Variants in FAT4 observed in about 807,000 individuals in gnomAD.
FAT4 encodes the protein FAT atypical cadherin 4.
A neutral mutation model predicts 303.9 loss-of-function variants in FAT4; 84 were observed. The ratio of observed to expected loss-of-function variants is 0.28; its 90% CI spans 0.23 to 0.33. The LOEUF (loss-of-function observed/expected upper bound fraction) is 0.33, where lower values mean the gene tolerates loss of function less well. Among genes scored for constraint, FAT4 ranks in the 10% least tolerant of loss-of-function variants. The pLI, the probability that FAT4 is intolerant of heterozygous loss-of-function variation, is 1.00. For missense variants in FAT4, 6,005 were observed against 6,146.8 expected (o/e 0.98, Z 0.77); for synonymous variants, 2,307 against 2,298.8 (o/e 1.00, Z -0.10).
At chr4:125,445,058 G>A (rs1420601464) in intron 8 of FAT4, among the ~76,000 whole-genome samples, 1 of 152,024 alleles carries the variant, frequency 6.6e-6, no homozygotes, top group East Asian at 1.9e-4. Flanking sequence ...TATAGTTAAT[G>A]CTATTTTCAC....
chr4:125,405,720 T>G (rs1352930295), intron 3 of FAT4, among the ~76,000 whole-genome samples: 1 of 134,462 alleles, frequency 7.4e-6, no homozygotes, highest in Non-Finnish European at 1.7e-5. Flanking sequence ...GCCAGGATGG[T>G]CTCGATCTCC....
chr4:125,334,638 A>G lies in FAT4; in HGVS notation c.5175+13052A>G, dbSNP rs141424646. On this transcript the variant is annotated intron_variant, in intron 2 of 17. Coordinates refer to ENST00000394329, the MANE Select transcript of FAT4 (RefSeq NM_001291303.3). ...GAGATTTGCTTAAAACAAGACATGT[A>G]TTTCATATATTACTTTAATACCAAA... 3.7e-3 allele frequency among the ~76,000 whole-genome samples: 558 copies of G among 152,268 alleles called. 2 individuals are homozygous for G. The highest frequency in any genetic ancestry group is 0.013 in the African/African-American group (530 of 41,556).
At chr4:125,433,807 A>G (rs1725357589) in intron 7 of FAT4, among the ~76,000 whole-genome samples, 1 of 152,160 alleles carries the variant, frequency 6.6e-6, no homozygotes. Flanking sequence ...GATAGTAACA[A>G]TGATAGTCAC....
At chr4:125,438,148 A>C (rs748752256) in intron 8 of FAT4, among the ~76,000 whole-genome samples, 8 of 152,342 alleles carry the variant, frequency 5.3e-5, no homozygotes, top group Non-Finnish European at 1.2e-4. Context: ...GAATATTACC[A>C]ATCAGATATA....
intron 3 of FAT4, among the ~76,000 whole-genome samples, chr4:125,404,340 C>T (rs1734504667): frequency 6.6e-6 from 1 of 152,074 alleles, no homozygotes; most frequent in Non-Finnish European, 1.5e-5. Flanking sequence ...AGATTGCTTC[C>T]AATTAAAACA....
At chr4:125,364,895 A>G (rs553283364) in intron 2 of FAT4, among the ~76,000 whole-genome samples, 3 of 152,292 alleles carry the variant, frequency 2.0e-5, no homozygotes, top group Non-Finnish European at 4.4e-5. Context: ...GTGTTTCATA[A>G]AAAGCTTTCT....
chr4:125,462,929 A>T (rs1431473648), intron 10 of FAT4, among the ~76,000 whole-genome samples: 1 of 152,058 alleles, frequency 6.6e-6, no homozygotes, highest in Non-Finnish European at 1.5e-5. Flanking sequence ...AAGATCATGT[A>T]TGAGAAAAGT....
intron 5 of FAT4, among the ~76,000 whole-genome samples, chr4:125,410,484 G>T (rs528249888): frequency 6.6e-6 from 1 of 152,210 alleles, no homozygotes; most frequent in African/African-American, 2.4e-5. Context: ...ATAACTTTTA[G>T]TTAGTCTACC....
intron 7 of FAT4, among the ~76,000 whole-genome samples, chr4:125,421,683 G>A (rs1286270960): frequency 1.3e-5 from 2 of 152,114 alleles, no homozygotes; most frequent in African/African-American, 4.8e-5. Context: ...AAAATTCTAA[G>A]TTAGAGAAAT....
At chr4:125,398,265 T>C (rs77397028) in intron 2 of FAT4, among the ~76,000 whole-genome samples, 75 of 152,248 alleles carry the variant, frequency 4.9e-4, no homozygotes, top group Middle Eastern at 3.4e-3. Context: ...AAAGAAAAGA[T>C]GTATTTTTCT....
At chr4:125,452,857 A>G (rs2126062642) in intron 10 of FAT4, 47 bp downstream of exon 10, 1 of 1,523,210 alleles carries the variant, frequency 6.6e-7, no homozygotes, top group Non-Finnish European at 8.8e-7. Context: ...AGCCATGTCA[A>G]GTATATTGAA....
intron 7 of FAT4, among the ~76,000 whole-genome samples, chr4:125,419,980 C>T (rs1735221658): frequency 6.6e-6 from 1 of 152,188 alleles, no homozygotes; most frequent in African/African-American, 2.4e-5. Context: ...TTGTAGTTCT[C>T]TCTGCCTGGA....
chr4:125,326,451 ATAAG>A (rs1731159399), intron 2 of FAT4, among the ~76,000 whole-genome samples: 1 of 152,110 alleles, frequency 6.6e-6, no homozygotes, highest in Non-Finnish European at 1.5e-5. Flanking sequence ...GTGCATAGTG[ATAAG>A]TGCATTTTTA....
rs756365567 is a variant in FAT4, at chr4:125,490,878, T to A, written c.14062T>A (p.Ser4688Thr). ...PSYGQGLRTS[S>T]LSHSACPTPN... ...ATATGGTCAAGGTTTGAGAACCAGC[T>A]CCCTAAGCCACTCAGCATGCCCAAC... Residue 4688 changes from serine (S) to threonine (T), a missense_variant, in exon 18 of 18, where the codon TCC becomes ACC. Ser to Thr is a moderately conservative substitution (Grantham distance 58, BLOSUM62 1). Coordinates refer to ENST00000394329, the MANE Select transcript of FAT4 (RefSeq NM_001291303.3). 3 of 1,613,946 alleles carry A rather than the reference T, an allele frequency of 1.9e-6. No homozygotes were observed. Among genetic ancestry groups the A allele is most frequent in the Admixed American group, 3.3e-5 (2 of 59,992 alleles).
Position 125,408,747 on chromosome 4 carries a change from C to T in FAT4, c.5873C>T (p.Pro1958Leu), listed in dbSNP as rs1392034328. The part of the protein sequence containing the change: ...SYSTSLMENL[P>L]VGSTVLVFNV... The stretch of plus-strand genomic sequence containing the variant: ...AGCACATCTTTAATGGAGAATCTAC[C>T]TGTGGGATCTACTGTTCTTGTGTTT... The change falls in exon 5 of 18, where the codon CCT (proline) becomes CTT (leucine). Residue 1958 changes from proline to leucine, a missense_variant. Pro to Leu is a moderately conservative substitution (Grantham distance 98). Transcript: ENST00000394329. 4.4e-6 allele frequency: 7 copies of T among 1,603,212 alleles called. No homozygotes were observed. The highest frequency in any genetic ancestry group is 2.2e-5 in the East Asian group (1 of 44,686).
chr4:125,388,697 A>G (rs912960505), intron 2 of FAT4, among the ~76,000 whole-genome samples: 17 of 152,204 alleles, frequency 1.1e-4, no homozygotes, highest in African/African-American at 3.9e-4. Flanking sequence ...GTGGTTACAC[A>G]TGGTTGCCTT....
At chr4:125,374,668 A>G (rs1472279990) in intron 2 of FAT4, among the ~76,000 whole-genome samples, 3 of 152,164 alleles carry the variant, frequency 2.0e-5, no homozygotes, top group African/African-American at 7.2e-5. Flanking sequence ...TTATTGAATC[A>G]TTTTGCTTAT....
chr4:125,331,683 A>G (rs994819800), intron 2 of FAT4, among the ~76,000 whole-genome samples: 7 of 152,334 alleles, frequency 4.6e-5, no homozygotes, highest in African/African-American at 1.7e-4. Context: ...ATCTTAAGTT[A>G]TTGTTATCGT....
intron 2 of FAT4, among the ~76,000 whole-genome samples, chr4:125,339,002 T>C (rs1226272578): frequency 6.6e-6 from 1 of 152,130 alleles, no homozygotes; most frequent in Non-Finnish European, 1.5e-5. Flanking sequence ...GTGCTTTCCC[T>C]TTCCTTCCTG....
Sources: gnomAD v4.1 joint callset for allele counts (sites outside exome capture counted in the v4.1 genomes callset) on GRCh38, gnomAD v4.1.1 for gene constraint, MANE v1.5 for transcripts, NCBI Gene and HGNC (gene_info 2026-07-23, HGNC 2026-07-21) for gene names.